THAP4: variants seen among roughly 807,000 people sequenced by gnomAD.
The protein encoded by THAP4 is THAP domain containing 4.
THAP4 carries 18 observed loss-of-function variants against 48.1 expected under a neutral mutation model. The ratio of observed to expected loss-of-function variants is 0.37; its 90% CI spans 0.26 to 0.56. The LOEUF is 0.56. THAP4 is among the 20% of genes least tolerant of loss of function. THAP4 has a pLI of 0.78. For synonymous variants in THAP4, 345 were observed against 324.9 expected, an observed-to-expected ratio of 1.06 and a Z score of -0.66; for missense variants, 656 against 774.9, an observed-to-expected ratio of 0.85 and a Z score of 1.82.
chr2:241,617,468 C>T, intron 2 of THAP4: 2 of 1,550,630 alleles, frequency 1.3e-6, no homozygotes, highest in Non-Finnish European at 1.7e-6. Context: ...AGGTTGTTTT[C>T]TGCCAATTGA....
At chr2:241,635,769 AAAAAAAAGAG>A (rs1366564939) in intron 1 of THAP4, among the ~76,000 whole-genome samples, 1 of 151,932 alleles carries the variant, frequency 6.6e-6, no homozygotes, top group Admixed American at 6.6e-5. Flanking sequence ...ACTCCTTCTC[AAAAAAAAGAG>A]AAAAAAAGAA....
In THAP4 at chr2:241,612,077, G is replaced by C. The variant is rs140107995; in HGVS notation, c.1241-5604C>G. On this transcript the variant is annotated intron_variant, in intron 2 of 5. Coordinates refer to ENST00000407315, the MANE Select transcript of THAP4 (RefSeq NM_015963.6). The surrounding 1 kb of genome is among the most constrained non-coding windows in gnomAD (Gnocchi z 4.1). Reference sequence around the variant, plus strand: ...TGAAGAAAGACCACTAACTAAACATGTAAGAACTCAGGAGAGAAACGGCAA... The same window carrying C: ...TGAAGAAAGACCACTAACTAAACATCTAAGAACTCAGGAGAGAAACGGCAA... Among the ~76,000 whole-genome samples, 865 of 152,180 alleles carry C rather than the reference G, an allele frequency of 5.7e-3. 10 individuals carry two copies. The highest frequency in any genetic ancestry group is 0.02 in the African/African-American group (822 of 41,524).
rs1199857059 is a variant in THAP4, at chr2:241,610,500, G to A, written c.1241-4027C>T. On this transcript the variant is annotated intron_variant, in intron 2 of 5. Coordinates refer to ENST00000407315, the MANE Select transcript of THAP4 (RefSeq NM_015963.6). The surrounding 1 kb of genome is among the most constrained non-coding windows in gnomAD (Gnocchi z 4.2). ...CAGGCGTCACAGGGCTCACTCAAGA[G>A]CTCCAGCAAGAGCAGAGGCGGGAGC... Among the ~76,000 whole-genome samples, 1 of 152,188 alleles carries A rather than the reference G, an allele frequency of 6.6e-6. No homozygotes were observed. Among genetic ancestry groups the A allele is most frequent in the Non-Finnish European group, 1.5e-5 (1 of 68,024 alleles).
In THAP4 at chr2:241,595,647, AAAG is replaced by A. The variant is rs201449635; in HGVS notation, c.1614+6246_1614+6248del. ...AGCGAAACTCTGTCTCAAAAAAAAAAAAGAAGAAGAAATACATGAGACATGCTG... is the reference window on the plus strand; with the variant it reads ...AGCGAAACTCTGTCTCAAAAAAAAAAAAGAAGAAATACATGAGACATGCTG... On this transcript the variant is annotated intron_variant, in intron 5 of 5. Transcript: ENST00000407315. Among the ~76,000 whole-genome samples, 240 of 152,016 alleles carry A rather than the reference AAAG, an allele frequency of 1.6e-3. 1 individual carries two copies. The highest frequency in any genetic ancestry group is 4.4e-3 in the African/African-American group (184 of 41,460).
chr2:241,624,246 G>A (rs1219367113), intron 2 of THAP4, among the ~76,000 whole-genome samples: 1 of 152,216 alleles, frequency 6.6e-6, no homozygotes, highest in Admixed American at 6.5e-5. Flanking sequence ...CCAGCACTGT[G>A]GGAGGCTGAG....
At chr2:241,609,800 G>C (rs1194369542) in intron 2 of THAP4, among the ~76,000 whole-genome samples, 1 of 150,886 alleles carries the variant, frequency 6.6e-6, no homozygotes, top group Admixed American at 6.6e-5. Flanking sequence ...AAAAAAGAAA[G>C]AAAGAGGCTT....
intron 2 of THAP4, among the ~76,000 whole-genome samples, chr2:241,611,350 G>C (rs527294875): frequency 6.6e-6 from 1 of 152,194 alleles, no homozygotes; most frequent in East Asian, 1.9e-4. Flanking sequence ...GTTCGCCCAG[G>C]TGCTGAAGGC....
Position 241,610,044 on chromosome 2 carries a change from C to A in THAP4, c.1241-3571G>T, listed in dbSNP as rs1010256097. ...GGCCGCGATCTCCACCCCTCACGCCCGAGTCCCCGGCACGGCCACCACCGG... is the reference window on the plus strand; with the variant it reads ...GGCCGCGATCTCCACCCCTCACGCCAGAGTCCCCGGCACGGCCACCACCGG... On this transcript the variant is annotated intron_variant, in intron 2 of 5. Transcript: ENST00000407315. This position sits in a 1 kb window ranked among gnomAD's most constrained non-coding sequence, Gnocchi z 4.2. 6.6e-6 allele frequency among the ~76,000 whole-genome samples: 1 copy of A among 152,142 alleles called. No homozygotes were observed. The highest frequency in any genetic ancestry group is 2.4e-5 in the African/African-American group (1 of 41,434).
chr2:241,590,089 C>G (rs576948981), intron 5 of THAP4, among the ~76,000 whole-genome samples: 2 of 151,406 alleles, frequency 1.3e-5, no homozygotes, highest in Non-Finnish European at 2.9e-5. Flanking sequence ...CACTAGGACA[C>G]GCAGAGCTGC....
intron 2 of THAP4, among the ~76,000 whole-genome samples, chr2:241,621,842 C>T (rs1272469188): frequency 6.6e-6 from 1 of 151,184 alleles, no homozygotes; most frequent in Non-Finnish European, 1.5e-5. Flanking sequence ...ACTCAAACTG[C>T]AGAAAACCAA....
chr2:241,584,547 G>C lies in THAP4; in HGVS notation c.*59C>G. 2 of 1,603,342 alleles carry C rather than the reference G, an allele frequency of 1.2e-6. No individual in the cohort carries two copies. The highest frequency in any genetic ancestry group is 1.7e-6 in the Non-Finnish European group (2 of 1,171,396). ...TCTGCCGCAGGGACTGTCTGTTGAG[G>C]AGCCGAACCGTTGAGGCACAGTAGC... On this transcript the variant is annotated 3_prime_UTR_variant, in exon 6 of 6. Coordinates refer to ENST00000407315, the MANE Select transcript of THAP4 (RefSeq NM_015963.6).
Position 241,584,661 on chromosome 2 carries a change from G to A in THAP4, c.1679C>T (p.Thr560Met), listed in dbSNP as rs755678319. ...AAGATGCTGAGTCATTGGCTGTGTCGTGGTTGCCATGGAGACCGTCTGCTC... is the reference window on the plus strand; with the variant it reads ...AAGATGCTGAGTCATTGGCTGTGTCATGGTTGCCATGGAGACCGTCTGCTC... The part of the protein sequence containing the change: ...KLEQTVSMAT[T>M]TQPMTQHLHV... The change falls in exon 6 of 6, where the codon ACG (threonine) becomes ATG (methionine). Residue 560 changes from threonine (T) to methionine (M), a missense_variant. Coordinates refer to ENST00000407315, the MANE Select transcript of THAP4 (RefSeq NM_015963.6). 8 of 1,614,056 alleles carry A rather than the reference G, an allele frequency of 5.0e-6. No individual in the cohort carries two copies. Among genetic ancestry groups the A allele is most frequent in the South Asian group, 3.3e-5 (3 of 91,090 alleles).
At chr2:241,617,166 T>C (rs1166832720) in intron 2 of THAP4, among the ~76,000 whole-genome samples, 1 of 152,174 alleles carries the variant, frequency 6.6e-6, no homozygotes, top group Non-Finnish European at 1.5e-5. Context: ...TTTTACTCTC[T>C]GTAAATTATA....
chr2:241,635,505 AGCACTTTG>A, intron 1 of THAP4, among the ~76,000 whole-genome samples: 1 of 152,354 alleles, frequency 6.6e-6, no homozygotes, highest in South Asian at 2.1e-4. Context: ...CTGTAATCCC[AGCACTTTG>A]GGAGGCCGAG....
intron 5 of THAP4, among the ~76,000 whole-genome samples, chr2:241,591,374 C>A (rs146561503): frequency 6.6e-6 from 1 of 152,160 alleles, no homozygotes; most frequent in Non-Finnish European, 1.5e-5. Flanking sequence ...TCTTGACTGG[C>A]GCAGCGTTAC....
Position 241,585,923 on chromosome 2 carries a change from AAAAAAAG to A in THAP4, c.1615-1205_1615-1199del, listed in dbSNP as rs1449923578. Among the ~76,000 whole-genome samples the A allele has an allele frequency of 1.9e-4, 27 of 144,522 alleles. 1 individual carries two copies. The highest frequency in any genetic ancestry group is 2.8e-4 in the African/African-American group (11 of 39,096). The allele number at this position is 144,522 out of a possible 152,430, so 94.8% of individuals were successfully genotyped here. ...GCAAGACTCCTTCTCAAAAAAAAAA[AAAAAAAG>A]AAAAAAAAAAGAAAAAGAAAAAGAA... On this transcript the variant is annotated intron_variant, in intron 5 of 5. Coordinates refer to ENST00000407315, the MANE Select transcript of THAP4 (RefSeq NM_015963.6).
intron 3 of THAP4, 100 bp downstream of exon 3, chr2:241,606,214 C>T (rs1265970034): frequency 8.6e-7 from 1 of 1,166,512 alleles, no homozygotes; most frequent in African/African-American, 1.5e-5. Context: ...TCCTTTTACA[C>T]CTTCCTGCTT....
chr2:241,637,160 G>C, upstream of THAP4: 2 of 986,838 alleles, frequency 2.0e-6, no homozygotes, highest in African/African-American at 1.8e-5. Context: ...CGGCAAGATG[G>C]AGGCGCAGGC....
intron 5 of THAP4, 164 bp from the exon 6 acceptor site, chr2:241,584,889 C>T (rs1209312142): frequency 2.5e-6 from 2 of 799,034 alleles, no homozygotes; most frequent in East Asian, 2.5e-5. Flanking sequence ...GGGCATGTCA[C>T]AATCCAGGTG....
Sources: gnomAD v4.1 joint callset for allele counts (sites outside exome capture counted in the v4.1 genomes callset) on GRCh38, gnomAD v4.1.1 for gene constraint, Gnocchi (gnomAD v3.1) non-coding constraint, MANE v1.5 for transcripts, NCBI Gene and HGNC (gene_info 2026-07-23, HGNC 2026-07-21) for gene names.